IL10RB: variants seen among roughly 807,000 people sequenced by gnomAD.
IL10RB encodes interleukin 10 receptor subunit beta, also known as interleukin-10 receptor subunit beta.
IL10RB carries 30 observed loss-of-function variants against 38.7 expected under a neutral mutation model. The observed-to-expected ratio is 0.78, with a 90% CI of 0.58 to 1.05. The LOEUF is 1.05. IL10RB is among the 50% of genes least tolerant of loss of function. The pLI, the probability that IL10RB is intolerant of heterozygous loss-of-function variation, is 0.00. For missense variants in IL10RB, 328 were observed against 397.1 expected, an observed-to-expected ratio of 0.83 and a Z score of 1.48; for synonymous variants, 142 against 145.9, an observed-to-expected ratio of 0.97 and a Z score of 0.19.
At chr21:33,270,989 T>G (rs549205374) in intron 2 of IL10RB, among the ~76,000 whole-genome samples, 1 of 152,336 alleles carries the variant, frequency 6.6e-6, no homozygotes, top group South Asian at 2.1e-4. Flanking sequence ...CCATGCCTTT[T>G]TGCCATTATA....
At chr21:33,299,595 C>T (rs1268118634), downstream of IL10RB, among the ~76,000 whole-genome samples, 2 of 152,166 alleles carry the variant, frequency 1.3e-5, no homozygotes, top group Non-Finnish European at 1.5e-5. Context: ...ACTGGTTTAG[C>T]CTCCAGGGCA....
chr21:33,296,709 A>G lies in IL10RB; in HGVS notation c.*352A>G. The G allele has an allele frequency of 2.6e-6, 1 of 388,718 alleles. No individual in the cohort carries two copies. The highest frequency in any genetic ancestry group is 2.0e-5 in the South Asian group (1 of 50,790). 24.1% of individuals were successfully genotyped at this position (388,718 alleles called of 1,614,324 possible). ...CACGCCTGTAATACCAGCACCTTAGAGGTCGAGGCAGGCGGATCACTTGAG... is the reference window on the plus strand; with the variant it reads ...CACGCCTGTAATACCAGCACCTTAGGGGTCGAGGCAGGCGGATCACTTGAG... On this transcript the variant is annotated 3_prime_UTR_variant, in exon 7 of 7. Coordinates refer to ENST00000290200, the MANE Select transcript of IL10RB (RefSeq NM_000628.5).
intron 4 of IL10RB, among the ~76,000 whole-genome samples, chr21:33,282,706 G>A (rs1477320184): frequency 6.6e-6 from 1 of 151,946 alleles, no homozygotes; most frequent in Non-Finnish European, 1.5e-5. Flanking sequence ...GCGCCACCAC[G>A]CCCGGCTAAT....
intron 2 of IL10RB, among the ~76,000 whole-genome samples, chr21:33,275,434 G>T (rs1173851859): frequency 6.6e-6 from 1 of 152,090 alleles, no homozygotes; most frequent in Non-Finnish European, 1.5e-5. Flanking sequence ...GGGATTACAG[G>T]CGTGAGCCAC....
chr21:33,266,661 T>C, intron 1 of IL10RB, 147 bp downstream of exon 1: 1 of 786,914 alleles, frequency 1.3e-6, no homozygotes, highest in Non-Finnish European at 2.0e-6. Context: ...GGCCGGCTGC[T>C]GAGACGCAAC....
At chr21:33,294,866 A>T (rs910681696) in intron 6 of IL10RB, among the ~76,000 whole-genome samples, 1 of 152,210 alleles carries the variant, frequency 6.6e-6, no homozygotes, top group Non-Finnish European at 1.5e-5. Context: ...GATTTCAGGA[A>T]ATGTATAGGG....
chr21:33,305,080 A>G (rs2082995577), intron 1 of IL10RB, among the ~76,000 whole-genome samples: 1 of 152,176 alleles, frequency 6.6e-6, no homozygotes, highest in African/African-American at 2.4e-5. Flanking sequence ...AGGAAGTACC[A>G]TCTCCTATCC....
intron 6 of IL10RB, 141 bp from the exon 7 acceptor site, chr21:33,296,043 C>CA (rs1404467127): frequency 1.2e-5 from 6 of 496,796 alleles, no homozygotes; most frequent in African/African-American, 4.1e-5. Flanking sequence ...GACTCTGTCT[C>CA]AAAAAAATAA....
intron 2 of IL10RB, among the ~76,000 whole-genome samples, chr21:33,272,460 A>T (rs1019811898): frequency 2.0e-5 from 3 of 151,984 alleles, no homozygotes; most frequent in African/African-American, 7.3e-5. Flanking sequence ...ATTAAATTAA[A>T]TTTTTTGAGA....
intron 6 of IL10RB, among the ~76,000 whole-genome samples, chr21:33,290,064 A>G (rs1425894975): frequency 1.3e-5 from 2 of 152,092 alleles, no homozygotes; most frequent in Admixed American, 6.5e-5. Context: ...CAGTGAGCCA[A>G]GATCGCGCCA....
intron 4 of IL10RB, among the ~76,000 whole-genome samples, chr21:33,282,543 A>T (rs920013320): frequency 1.3e-5 from 2 of 152,302 alleles, no homozygotes; most frequent in African/African-American, 2.4e-5. Context: ...CTCAAAAAAA[A>T]TAATAATTAA....
In IL10RB at chr21:33,296,727, C is replaced by T; in HGVS notation, c.*370C>T. The T allele has an allele frequency of 5.3e-6, 2 of 374,194 alleles. No individual in the cohort carries two copies. Among genetic ancestry groups the T allele is most frequent in the East Asian group, 1.4e-4 (2 of 14,234 alleles). 23.2% of individuals were successfully genotyped at this position (374,194 alleles called of 1,614,324 possible). A position where few individuals can be genotyped will look rare whatever the true frequency, so the allele number is the denominator to read the frequency against. ...ACCTTAGAGGTCGAGGCAGGCGGAT[C>T]ACTTGAGGTCAGGAGTTCAAGACCA... On this transcript the variant is annotated 3_prime_UTR_variant, in exon 7 of 7. Transcript: ENST00000290200.
intron 5 of IL10RB, among the ~76,000 whole-genome samples, chr21:33,286,570 G>GCCGA (rs1989378846): frequency 2.0e-5 from 3 of 152,130 alleles, no homozygotes; most frequent in Non-Finnish European, 4.4e-5. Flanking sequence ...TGGGAAAAGG[G>GCCGA]CCGAGTTCCA....
At chr21:33,267,727 G>T (rs1988994970) in intron 1 of IL10RB, among the ~76,000 whole-genome samples, 1 of 151,930 alleles carries the variant, frequency 6.6e-6, no homozygotes, top group African/African-American at 2.4e-5. Flanking sequence ...TGTTGGCCAG[G>T]CTGGTCTCGA....
chr21:33,297,616 A>G (rs8178566), downstream of IL10RB, among the ~76,000 whole-genome samples: 721 of 152,180 alleles, frequency 4.7e-3, 7 homozygotes, highest in African/African-American at 0.016. Context: ...CCAGGAGTTG[A>G]GACCATTCCA....
At chr21:33,287,340 G>GGGTT (rs964849586) in intron 5 of IL10RB, among the ~76,000 whole-genome samples, 1 of 101,804 alleles carries the variant, frequency 9.8e-6, no homozygotes, top group Non-Finnish European at 2.0e-5. Flanking sequence ...CTTAGTGCAG[G>GGGTT]GGTTTGTTTG....
At position 33,266,540 on chromosome 21, in the gene IL10RB, C is replaced by A. The variant is rs777368132; in HGVS notation, c.49+26C>A. Reference sequence around the variant, plus strand: ...GTGAGGGGTCCGCGGGGAGGGGGCGCGCTTGGGAACCGGGAGGCCCCGCGA... The same window carrying A: ...GTGAGGGGTCCGCGGGGAGGGGGCGAGCTTGGGAACCGGGAGGCCCCGCGA... On this transcript the variant is annotated intron_variant, in intron 1 of 6. Coordinates refer to ENST00000290200, the MANE Select transcript of IL10RB (RefSeq NM_000628.5). 6.6e-5 allele frequency: 102 copies of A among 1,539,850 alleles called. No homozygotes were observed. The Middle Eastern group carries it at 2.1e-3, about 31-fold the overall frequency.
chr21:33,285,980 GAAAC>G (rs1253462839), intron 5 of IL10RB, among the ~76,000 whole-genome samples: 1 of 152,152 alleles, frequency 6.6e-6, no homozygotes, highest in Non-Finnish European at 1.5e-5. Context: ...TCCGGTGCAT[GAAAC>G]AAACAAGAAC....
intron 5 of IL10RB, among the ~76,000 whole-genome samples, chr21:33,287,160 A>C (rs1040000523): frequency 6.6e-5 from 10 of 152,204 alleles, no homozygotes; most frequent in Admixed American, 2.6e-4. Flanking sequence ...AGGATTCACC[A>C]CTATAAGCCC....
Sources: gnomAD v4.1 joint callset for allele counts (sites outside exome capture counted in the v4.1 genomes callset) on GRCh38, gnomAD v4.1.1 for gene constraint, MANE v1.5 for transcripts, NCBI Gene and HGNC (gene_info 2026-07-23, HGNC 2026-07-21) for gene names.